CCNA2: variants seen among roughly 807,000 people sequenced by gnomAD.
CCNA2 encodes cyclin-A2.
Under a neutral mutation model 49.4 loss-of-function variants are expected in CCNA2, and 3 were observed. That is an observed-to-expected ratio of 0.06 (90% CI 0.03 to 0.16). The LOEUF (loss-of-function observed/expected upper bound fraction) is 0.16. CCNA2 is among the 10% of genes least tolerant of loss of function. CCNA2 has a pLI of 1.00. For synonymous variants in CCNA2, 206 were observed against 197.2 expected (o/e 1.04, Z -0.37); for missense variants, 372 against 519.7 (o/e 0.72, Z 2.76).
At position 121,820,913 on chromosome 4, in the gene CCNA2, C is replaced by T. The variant is rs1380200201; in HGVS notation, c.570+66G>A. 2.1e-6 allele frequency: 3 copies of T among 1,419,716 alleles called. No individual in the cohort carries two copies. The Admixed American group carries it at 5.4e-5, about 26-fold the overall frequency. The allele number at this position is 1,419,716 out of a possible 1,614,324, so 87.9% of individuals were successfully genotyped here. On this transcript the variant is annotated intron_variant, in intron 3 of 7. Transcript: ENST00000274026. This position sits in a 1 kb window ranked among gnomAD's most constrained non-coding sequence, Gnocchi z 4.1. ...ATTAGTTTAAAAATTTAAACATTAT[C>T]CTCTCAATTTCATTTAGCCACATTT...
rs374918067 is a variant in CCNA2 at position 121,820,350 on chromosome 4, T to C, written c.794+192A>G. Among the ~76,000 whole-genome samples, 211 of 152,288 alleles carry C rather than the reference T, an allele frequency of 1.4e-3. 5 individuals carry two copies. The South Asian group carries it at 0.042, about 30-fold the overall frequency. On this transcript the variant is annotated intron_variant, in intron 4 of 7. Coordinates refer to ENST00000274026, the MANE Select transcript of CCNA2 (RefSeq NM_001237.5). The surrounding 1 kb of genome is among the most constrained non-coding windows in gnomAD (Gnocchi z 4.1). ...ACTATATCATGTTCAAGGAATCCAG[T>C]TGGGGGAAAATTAGTGTTCTAGATT... is the stretch of plus-strand genomic sequence containing the variant.
chr4:121,819,907 C>T (rs914474328), intron 4 of CCNA2, among the ~76,000 whole-genome samples: 22 of 150,226 alleles, frequency 1.5e-4, no homozygotes, highest in Admixed American at 5.3e-4. Flanking sequence ...AAACATGTTT[C>T]ATGTTTTCAT....
chr4:121,816,777 A>G lies in CCNA2; in HGVS notation c.*861T>C, dbSNP rs1265029779. ...TTACTTTGCTTTATTCACAGAACAC[A>G]GACCACCAGTGCAAAACAAGAAAAA... On this transcript the variant is annotated 3_prime_UTR_variant, in exon 8 of 8. Coordinates refer to ENST00000274026, the MANE Select transcript of CCNA2 (RefSeq NM_001237.5). The G allele has an allele frequency of 1.3e-6, 2 of 1,593,690 alleles. No homozygotes were observed. Among genetic ancestry groups the G allele is most frequent in the Admixed American group, 1.8e-5 (1 of 56,006 alleles).
rs116782449 is a variant in CCNA2, at chr4:121,817,467, A to G, written c.*171T>C. On this transcript the variant is annotated 3_prime_UTR_variant, in exon 8 of 8. Coordinates refer to ENST00000274026, the MANE Select transcript of CCNA2 (RefSeq NM_001237.5). ...CCAAATATCTAAGACAGATACATAT[A>G]CAAAAGATATACAAATTAAAACCAT... is the stretch of plus-strand genomic sequence containing the variant. 1,513 of 705,182 alleles carry G rather than the reference A, an allele frequency of 2.1e-3. 18 individuals carry two copies. In the African/African-American group the frequency reaches 0.025, roughly 12 times the overall value. The allele number at this position is 705,182 out of a possible 1,614,324, so 43.7% of individuals were successfully genotyped here. A position where few individuals can be genotyped will look rare whatever the true frequency, so the allele number is the denominator to read the frequency against.
intron 7 of CCNA2, 37 bp downstream of exon 7, chr4:121,818,007 T>C (rs1442910469): frequency 2.5e-6 from 4 of 1,576,508 alleles, no homozygotes; most frequent in African/African-American, 1.3e-5. Context: ...AACCATAATC[T>C]AGAAAAGTAA....
Position 121,822,471 on chromosome 4 carries a change from G to A in CCNA2, c.389C>T (p.Ser130Leu). 6.2e-7 allele frequency: 1 copy of A among 1,614,068 alleles called. No homozygotes were observed. The highest frequency in any genetic ancestry group is 8.5e-7 in the Non-Finnish European group (1 of 1,179,952). ...IEREDALAFN[S>L]AISLPGPRKP... Reference sequence around the variant, plus strand: ...TCTGGGTCCAGGTAAACTAATGGCTGAATTAAAAGCCAGGGCATCTTCACG... The same window carrying A: ...TCTGGGTCCAGGTAAACTAATGGCTAAATTAAAAGCCAGGGCATCTTCACG... Residue 130 changes from serine to leucine, a missense_variant, in exon 2 of 8, where the codon TCA becomes TTA. Around this residue, in one of 2 missense-constraint regions of CCNA2, gnomAD observed 217 missense variants for 231.7 expected, o/e 0.94. Transcript: ENST00000274026.
At position 121,817,539 on chromosome 4, in the gene CCNA2, TA is replaced by T; in HGVS notation, c.*98del. On this transcript the variant is annotated 3_prime_UTR_variant, in exon 8 of 8. Coordinates refer to ENST00000274026, the MANE Select transcript of CCNA2 (RefSeq NM_001237.5). ...AATTTGTACTTGGCCACAACTTCTGTATTCAGAAATGATTGTAAAATTAAAA... is the reference window on the plus strand; with the variant it reads ...AATTTGTACTTGGCCACAACTTCTGTTTCAGAAATGATTGTAAAATTAAAA... 1 of 1,438,538 alleles carries T rather than the reference TA, an allele frequency of 7.0e-7. No individual in the cohort carries two copies. Among genetic ancestry groups the T allele is most frequent in the Non-Finnish European group, 9.6e-7 (1 of 1,046,220 alleles). The allele number at this position is 1,438,538 out of a possible 1,614,324, so 89.1% of individuals were successfully genotyped here.
chr4:121,817,656 T>C lies in CCNA2; in HGVS notation c.1281A>G (p.Pro427=). 2 of 1,614,002 alleles carry C rather than the reference T, an allele frequency of 1.2e-6. No individual in the cohort carries two copies. Among genetic ancestry groups the C allele is most frequent in the Non-Finnish European group, 1.7e-6 (2 of 1,179,948 alleles). The change falls in exon 8 of 8, where the codon CCA becomes CCG. Residue 427 remains proline (P), a synonymous_variant. Transcript: ENST00000274026. ...TTCATTGTTACAGATTTAGTGTCTC[T>C]GGTGGGTTGAGGAGAGAAACACCAT... ...KYHGVSLLNP[P]ETLNL
chr4:121,820,878 A>T lies in CCNA2; in HGVS notation c.570+101T>A. ...ATGCTATAAACTTAACTGTAGCATT[A>T]GAATAATTCATTAGTTTAAAAATTT... On this transcript the variant is annotated intron_variant, in intron 3 of 7. Coordinates refer to ENST00000274026, the MANE Select transcript of CCNA2 (RefSeq NM_001237.5). The surrounding 1 kb of genome is among the most constrained non-coding windows in gnomAD (Gnocchi z 4.1). 1 of 1,261,408 alleles carries T rather than the reference A, an allele frequency of 7.9e-7. No individual in the cohort carries two copies. Among genetic ancestry groups the T allele is most frequent in the Non-Finnish European group, 1.1e-6 (1 of 884,858 alleles). 78.1% of individuals were successfully genotyped at this position (1,261,408 alleles called of 1,614,324 possible).
chr4:121,817,125 GAA>G lies in CCNA2; in HGVS notation c.*511_*512del, dbSNP rs1162389727. 1 of 348,728 alleles carries G rather than the reference GAA, an allele frequency of 2.9e-6. No individual in the cohort carries two copies. Among genetic ancestry groups the G allele is most frequent in the East Asian group, 5.7e-5 (1 of 17,626 alleles). 21.6% of individuals were successfully genotyped at this position (348,728 alleles called of 1,614,324 possible). A position where few individuals can be genotyped will look rare whatever the true frequency, so the allele number is the denominator to read the frequency against. On this transcript the variant is annotated 3_prime_UTR_variant, in exon 8 of 8. Coordinates refer to ENST00000274026, the MANE Select transcript of CCNA2 (RefSeq NM_001237.5). ...TAAACAAACAGGTTTTACAAAGAGC[GAA>G]AAAGTCTGGGGAATCTCTACTGTAT...
At position 121,823,649 on chromosome 4, in the gene CCNA2, G is replaced by T; in HGVS notation, c.-21C>A. ...AACATCACTGCTCCCGGGAGTGGAC[G>T]GCGGGATCAGCCTGCGGCGCCAAGC... On this transcript the variant is annotated 5_prime_UTR_variant, in exon 1 of 8. Transcript: ENST00000274026. 6.4e-7 allele frequency: 1 copy of T among 1,551,632 alleles called. No individual in the cohort carries two copies.
Position 121,823,466 on chromosome 4 carries a change from A to G in CCNA2, c.163T>C (p.Ser55Pro), listed in dbSNP as rs372379287. Residue 55 changes from serine to proline, a missense_variant, in exon 1 of 8, where the codon TCC becomes CCC. Physicochemically the swap from Ser to Pro is moderately conservative, Grantham distance 74. Transcript: ENST00000274026. Reference sequence around the variant, plus strand: ...TGCGCTAGACCCCGCGGGTTCCCGGACTTCAGTACCGCCAGCGCGGCCCGG... The same window carrying G: ...TGCGCTAGACCCCGCGGGTTCCCGGGCTTCAGTACCGCCAGCGCGGCCCGG... ...RTRAALAVLK[S>P]GNPRGLAQQQ... The G allele has an allele frequency of 1.1e-5, 18 of 1,613,230 alleles. No homozygotes were observed. Among genetic ancestry groups the G allele is most frequent in the Non-Finnish European group, 1.5e-5 (18 of 1,179,836 alleles).
At chr4:121,821,212 G>A (rs1724685300) in intron 2 of CCNA2, 121 bp from the exon 3 acceptor site, 1 of 1,225,332 alleles carries the variant, frequency 8.2e-7, no homozygotes, top group African/African-American at 1.5e-5. Context: ...AAACTAAAAA[G>A]AGCTTCTCAT....
chr4:121,821,423 C>T (rs1448227125), intron 2 of CCNA2, among the ~76,000 whole-genome samples: 1 of 151,954 alleles, frequency 6.6e-6, no homozygotes, highest in Non-Finnish European at 1.5e-5. Context: ...TAGGACAGAA[C>T]ACTTTTAAAA....
chr4:121,817,794 G>T (rs1724581848), intron 7 of CCNA2, 108 bp from the exon 8 acceptor site: 1 of 1,460,504 alleles, frequency 6.8e-7, no homozygotes, highest in Non-Finnish European at 9.4e-7. Flanking sequence ...TGCTATTTCT[G>T]TCTGACCGAC....
In CCNA2 at chr4:121,823,762, G is replaced by A. The variant is rs1724766369; in HGVS notation, c.-134C>T. 5 of 1,422,906 alleles carry A rather than the reference G, an allele frequency of 3.5e-6. 1 individual carries two copies. The South Asian group carries it at 7.4e-5, about 21-fold the overall frequency. The allele number at this position is 1,422,906 out of a possible 1,614,324, so 88.1% of individuals were successfully genotyped here. The stretch of plus-strand genomic sequence containing the variant: ...GGTCGCAGCCCAGGCCAGCCTACCA[G>A]CCCGCCCGCTCGCTCACCCAGCTCG... On this transcript the variant is annotated 5_prime_UTR_variant, in exon 1 of 8. Transcript: ENST00000274026.
chr4:121,821,329 C>G (rs563434299), intron 2 of CCNA2, among the ~76,000 whole-genome samples: 28 of 151,550 alleles, frequency 1.8e-4, no homozygotes, highest in African/African-American at 6.3e-4. Flanking sequence ...TTGGTAGGCC[C>G]CTAACAGGAA....
chr4:121,823,501 T>G lies in CCNA2; in HGVS notation c.128A>C (p.Gln43Pro). 1 of 1,613,386 alleles carries G rather than the reference T, an allele frequency of 6.2e-7. No individual in the cohort carries two copies. The highest frequency in any genetic ancestry group is 8.5e-7 in the Non-Finnish European group (1 of 1,179,814). ...CGCCAGCGCGGCCCGGGTCCGCGGT[T>G]GTTGGACGGGCGCTGCCTTTTCCGG... Reference protein sequence around the residue: ...INPEKAAPVQQPRTRAALAVL... With the variant: ...INPEKAAPVQPPRTRAALAVL... The change falls in exon 1 of 8, where the codon CAA becomes CCA. Residue 43 changes from glutamine (Q) to proline (P), a missense_variant. Coordinates refer to ENST00000274026, the MANE Select transcript of CCNA2 (RefSeq NM_001237.5).
In CCNA2 at chr4:121,817,503, A is replaced by G. The variant is rs1406300621; in HGVS notation, c.*135T>C. 1.0e-6 allele frequency: 1 copy of G among 979,054 alleles called. No individual in the cohort carries two copies. Among genetic ancestry groups the G allele is most frequent in the East Asian group, 2.5e-5 (1 of 39,382 alleles). 60.6% of individuals were successfully genotyped at this position (979,054 alleles called of 1,614,324 possible). On this transcript the variant is annotated 3_prime_UTR_variant, in exon 8 of 8. Coordinates refer to ENST00000274026, the MANE Select transcript of CCNA2 (RefSeq NM_001237.5). ...ACAAATTAAAACCATTTAAAAAGTA[A>G]TAGATACCATAATTTGTACTTGGCC...
Sources: gnomAD v4.1 joint callset for allele counts (sites outside exome capture counted in the v4.1 genomes callset) on GRCh38, gnomAD v4.1.1 for gene constraint, gnomAD v4.1.1 regional missense constraint, Gnocchi (gnomAD v3.1) non-coding constraint, MANE v1.5 for transcripts, NCBI Gene and HGNC (gene_info 2026-07-23, HGNC 2026-07-21) for gene names.